Variants in RSRC1 observed in about 807,000 individuals in gnomAD.
RSRC1 encodes the protein serine/Arginine-related protein 53.
Under a neutral mutation model 49.1 loss-of-function variants are expected in RSRC1, and 39 were observed. The ratio of observed to expected loss-of-function variants is 0.79; its 90% CI spans 0.61 to 1.04. The LOEUF is 1.04. Ranked by LOEUF, RSRC1 falls within the 50% of genes least tolerant of loss-of-function variation. RSRC1 has a pLI of 0.00. For missense variants in RSRC1, 388 were observed against 402.4 expected (o/e 0.96, Z 0.31); for synonymous variants, 143 against 130.8 (o/e 1.09, Z -0.63).
chr3:158,200,868 G>T (rs1034891865), intron 3 of RSRC1, among the ~76,000 whole-genome samples: 1 of 151,920 alleles, frequency 6.6e-6, no homozygotes, highest in Non-Finnish European at 1.5e-5. Flanking sequence ...TTTTTACTTT[G>T]AGCACTTATA....
chr3:158,407,228 C>T (rs1734199528), intron 6 of RSRC1, among the ~76,000 whole-genome samples: 1 of 152,036 alleles, frequency 6.6e-6, no homozygotes, highest in Admixed American at 6.6e-5. Flanking sequence ...AACATATTTG[C>T]CAGAAACACA....
chr3:158,316,740 G>A (rs1329758368), intron 5 of RSRC1, among the ~76,000 whole-genome samples: 6 of 152,090 alleles, frequency 3.9e-5, no homozygotes, highest in African/African-American at 1.4e-4. Context: ...CAACGCGCCC[G>A]GCAGAATCTC....
intron 4 of RSRC1, among the ~76,000 whole-genome samples, chr3:158,277,287 A>T (rs1725870613): frequency 2.0e-5 from 3 of 152,180 alleles, no homozygotes; most frequent in African/African-American, 7.2e-5. Context: ...TTTAATGCTG[A>T]TCTGTAATGA....
chr3:158,366,150 A>G (rs911518058), intron 6 of RSRC1, among the ~76,000 whole-genome samples: 1 of 152,126 alleles, frequency 6.6e-6, no homozygotes, highest in Non-Finnish European at 1.5e-5. Flanking sequence ...CTTTAGTTTA[A>G]TTAGATCTCA....
At chr3:158,198,167 G>A (rs1720761740) in intron 3 of RSRC1, among the ~76,000 whole-genome samples, 1 of 152,056 alleles carries the variant, frequency 6.6e-6, no homozygotes, top group Admixed American at 6.6e-5. Context: ...TTATGAATCT[G>A]GGTGCTCCTG....
chr3:158,355,524 C>G (rs188121097), intron 6 of RSRC1, among the ~76,000 whole-genome samples: 25 of 152,028 alleles, frequency 1.6e-4, no homozygotes, highest in Admixed American at 1.6e-3. Context: ...ATTGGACTAA[C>G]TCACTGGACT....
At chr3:158,194,408 A>T (rs553931819) in intron 3 of RSRC1, among the ~76,000 whole-genome samples, 1 of 151,740 alleles carries the variant, frequency 6.6e-6, no homozygotes, top group African/African-American at 2.4e-5. Context: ...ATTTGCTTTT[A>T]TTATATTTAT....
intron 6 of RSRC1, among the ~76,000 whole-genome samples, chr3:158,431,224 C>T (rs1379406165): frequency 6.6e-6 from 1 of 151,274 alleles, no homozygotes; most frequent in Non-Finnish European, 1.5e-5. Flanking sequence ...ATGTCATCAG[C>T]TTGGTATTCT....
chr3:158,503,120 C>T (rs1001307379), intron 7 of RSRC1, among the ~76,000 whole-genome samples: 3 of 152,140 alleles, frequency 2.0e-5, no homozygotes, highest in Non-Finnish European at 1.5e-5. Flanking sequence ...ATGGACGTGG[C>T]TTCCTGTGAG....
chr3:158,457,225 G>T (rs1018801493), intron 6 of RSRC1, among the ~76,000 whole-genome samples: 2 of 152,128 alleles, frequency 1.3e-5, no homozygotes, highest in Non-Finnish European at 2.9e-5. Flanking sequence ...GTGAGTATTG[G>T]CAATGAAATG....
intron 3 of RSRC1, among the ~76,000 whole-genome samples, chr3:158,197,950 A>G (rs1720744259): frequency 6.6e-6 from 1 of 152,166 alleles, no homozygotes; most frequent in African/African-American, 2.4e-5. Context: ...TGTGGTGCTA[A>G]AAAGAATGTA....
intron 4 of RSRC1, among the ~76,000 whole-genome samples, chr3:158,278,425 A>G (rs1395818464): frequency 1.3e-5 from 2 of 152,184 alleles, no homozygotes; most frequent in Non-Finnish European, 2.9e-5. Context: ...GTACTGAATG[A>G]GTGTTTTCTC....
In RSRC1 at chr3:158,241,309, C is replaced by T. The variant is rs889777502; in HGVS notation, c.494+38064C>T. Among the ~76,000 whole-genome samples, 6 of 151,672 alleles carry T rather than the reference C, an allele frequency of 4.0e-5. No homozygotes were observed. The South Asian group carries it at 6.2e-4, about 16-fold the overall frequency. ...CTAAAAATACAAAAAAAAAGCTGGACATGGTAGCGCGCACCTGTAGTTCCA... is the reference window on the plus strand; with the variant it reads ...CTAAAAATACAAAAAAAAAGCTGGATATGGTAGCGCGCACCTGTAGTTCCA... On this transcript the variant is annotated intron_variant, in intron 4 of 9. Coordinates refer to ENST00000611884, the MANE Select transcript of RSRC1 (RefSeq NM_001271838.2).
chr3:158,369,842 A>G (rs1184821025), intron 6 of RSRC1, among the ~76,000 whole-genome samples: 5 of 152,218 alleles, frequency 3.3e-5, no homozygotes, highest in Middle Eastern at 3.4e-3. Context: ...TGTGAATTCA[A>G]TTGAGTTATA....
chr3:158,423,552 C>A (rs1043771596), intron 6 of RSRC1, among the ~76,000 whole-genome samples: 6 of 152,204 alleles, frequency 3.9e-5, no homozygotes, highest in Admixed American at 1.3e-4. Context: ...ATTGACTTGG[C>A]GATGCGGGCT....
chr3:158,475,724 C>CA (rs1491489317), intron 7 of RSRC1, among the ~76,000 whole-genome samples: 1 of 35,518 alleles, frequency 2.8e-5, no homozygotes, highest in African/African-American at 1.7e-4. Flanking sequence ...CTGGCTATTC[C>CA]TCTCTCTCTC....
chr3:158,364,216 G>A (rs531919341), intron 6 of RSRC1, among the ~76,000 whole-genome samples: 17 of 151,912 alleles, frequency 1.1e-4, no homozygotes, highest in Non-Finnish European at 1.6e-4. Flanking sequence ...TACTGTTTCC[G>A]GGGAGCATAG....
chr3:158,490,252 T>A (rs1270364968), intron 7 of RSRC1, among the ~76,000 whole-genome samples: 2 of 152,114 alleles, frequency 1.3e-5, no homozygotes, highest in Non-Finnish European at 2.9e-5. Flanking sequence ...ACCCAGCTAA[T>A]TTTTTGTGTT....
chr3:158,129,537 C>T (rs1033332261), intron 3 of RSRC1, among the ~76,000 whole-genome samples: 3 of 151,946 alleles, frequency 2.0e-5, no homozygotes, highest in Admixed American at 6.6e-5. Context: ...GTGATCCGCC[C>T]GCCTTGGCCT....
Sources: allele counts gnomAD v4.1 joint callset (sites outside exome capture counted in the v4.1 genomes callset), GRCh38; gene constraint gnomAD v4.1.1; transcripts MANE v1.5; gene names NCBI Gene and HGNC (gene_info 2026-07-23, HGNC 2026-07-21).